The following STK39 variants were observed in gnomAD, a reference collection of about 807,000 sequenced individuals.
The protein encoded by STK39 is STE20/SPS1-related proline-alanine-rich protein kinase.
Under a neutral mutation model 77.8 loss-of-function variants are expected in STK39, and 20 were observed. The observed-to-expected ratio is 0.26, with a 90% CI of 0.18 to 0.37. STK39 has a LOEUF of 0.37. Ranked by LOEUF, STK39 falls within the 10% of genes least tolerant of loss-of-function variation. The pLI is 1.00. For missense variants in STK39, 479 were observed against 656.5 expected (o/e 0.73, Z 2.95); for synonymous variants, 246 against 234.1 (o/e 1.05, Z -0.47).
chr2:168,089,147 A>G (rs1686449386), intron 10 of STK39, among the ~76,000 whole-genome samples: 1 of 152,152 alleles, frequency 6.6e-6, no homozygotes, highest in African/African-American at 2.4e-5. Flanking sequence ...GTGGGGCCAC[A>G]GTTTTGTGCC....
chr2:168,039,192 C>T (rs534695578), intron 14 of STK39, among the ~76,000 whole-genome samples: 1 of 152,036 alleles, frequency 6.6e-6, no homozygotes, highest in African/African-American at 2.4e-5. Flanking sequence ...CCTCTTTAAT[C>T]AAAGGGAATG....
intron 10 of STK39, among the ~76,000 whole-genome samples, chr2:168,076,591 C>T (rs1284816131): frequency 6.6e-6 from 1 of 152,116 alleles, no homozygotes; most frequent in Non-Finnish European, 1.5e-5. Flanking sequence ...GTAATCCTGA[C>T]CAGTTGGTCT....
chr2:168,003,485 T>A (rs1559052593), intron 16 of STK39, among the ~76,000 whole-genome samples: 1 of 151,874 alleles, frequency 6.6e-6, no homozygotes, highest in African/African-American at 2.4e-5. Flanking sequence ...AGATTTTTTT[T>A]AAAGAAAGAA....
At chr2:168,045,745 T>C (rs1246574417) in intron 14 of STK39, among the ~76,000 whole-genome samples, 1 of 152,184 alleles carries the variant, frequency 6.6e-6, no homozygotes, top group Non-Finnish European at 1.5e-5. Flanking sequence ...GCAAATATCA[T>C]GCTACTCCTT....
chr2:168,174,028 T>C (rs1688894264), intron 2 of STK39, among the ~76,000 whole-genome samples: 1 of 152,238 alleles, frequency 6.6e-6, no homozygotes, highest in Non-Finnish European at 1.5e-5. Flanking sequence ...TATTTTCATG[T>C]GATTTGGTAT....
chr2:167,986,701 G>T (rs1442115160), intron 16 of STK39, among the ~76,000 whole-genome samples: 1 of 152,120 alleles, frequency 6.6e-6, no homozygotes. Flanking sequence ...AACACTTCTG[G>T]TAAGAAAACA....
chr2:168,220,069 A>G (rs528412520), intron 1 of STK39, among the ~76,000 whole-genome samples: 1 of 152,210 alleles, frequency 6.6e-6, no homozygotes, highest in African/African-American at 2.4e-5. Context: ...TTCTTTAACA[A>G]ATTTTAATGT....
intron 14 of STK39, among the ~76,000 whole-genome samples, chr2:168,039,353 G>A (rs1685042995): frequency 5.2e-5 from 1 of 19,056 alleles, no homozygotes; most frequent in South Asian, 8.4e-4. Context: ...AGCACTTTGG[G>A]AGGCCGAGGC....
At chr2:168,197,551 A>G (rs1015098386) in intron 1 of STK39, among the ~76,000 whole-genome samples, 1 of 152,184 alleles carries the variant, frequency 6.6e-6, no homozygotes, top group Admixed American at 6.5e-5. Context: ...TGTTCAAGAG[A>G]TATTTCAGGG....
At chr2:168,246,036 G>C (rs921727511) in intron 1 of STK39, among the ~76,000 whole-genome samples, 22 of 152,120 alleles carry the variant, frequency 1.4e-4, no homozygotes, top group African/African-American at 5.3e-4. Flanking sequence ...TAAACACCTA[G>C]TGAAATTTTT....
At chr2:168,173,284 A>G (rs572392451) in intron 2 of STK39, among the ~76,000 whole-genome samples, 1 of 152,298 alleles carries the variant, frequency 6.6e-6, no homozygotes, top group Non-Finnish European at 1.5e-5. Context: ...ATGGTATAGG[A>G]GTAATCTTGT....
chr2:168,013,319 G>A (rs1684317671), intron 15 of STK39, among the ~76,000 whole-genome samples: 1 of 152,204 alleles, frequency 6.6e-6, no homozygotes, highest in African/African-American at 2.4e-5. Context: ...ACAGGAGTTC[G>A]CAATCTCATA....
At chr2:167,984,294 A>T (rs536354836) in intron 16 of STK39, among the ~76,000 whole-genome samples, 1 of 152,210 alleles carries the variant, frequency 6.6e-6, no homozygotes, top group Non-Finnish European at 1.5e-5. Flanking sequence ...GAGGGGCAGG[A>T]ACAAGGTGCA....
Position 168,140,368 on chromosome 2 carries a change from G to C in STK39, c.761C>G (p.Ala254Gly). Residue 254 changes from alanine (A) to glycine (G), a missense_variant, in exon 7 of 18, where the codon GCT (alanine) becomes GGT (glycine). By Grantham distance (60) the Ala-to-Gly change is moderately conservative. Around this residue, in one of 3 missense-constraint regions of STK39, gnomAD observed 139 missense variants for 280.6 expected, o/e 0.50. Transcript: ENST00000355999. ...MEQVRGYDFK[A>G]DMWSFGITAI... ...AGTTATTCCAAAACTCCACATGTCA[G>C]CCTTGAAGTCATAGCCTCTCACCTA... 6.2e-7 allele frequency: 1 copy of C among 1,613,974 alleles called. No homozygotes were observed. Among genetic ancestry groups the C allele is most frequent in the Non-Finnish European group, 8.5e-7 (1 of 1,179,918 alleles).
At chr2:168,094,746 C>T (rs1686616731) in intron 10 of STK39, among the ~76,000 whole-genome samples, 1 of 152,088 alleles carries the variant, frequency 6.6e-6, no homozygotes, top group Non-Finnish European at 1.5e-5. Flanking sequence ...TCTGTCATGT[C>T]CTCTGTGGCA....
At chr2:168,135,625 C>G (rs969809943) in intron 8 of STK39, among the ~76,000 whole-genome samples, 9 of 152,214 alleles carry the variant, frequency 5.9e-5, no homozygotes, top group Admixed American at 3.3e-4. Context: ...TCAATGTTTA[C>G]TTATCAAATT....
chr2:168,116,988 A>T (rs778899334), intron 10 of STK39, among the ~76,000 whole-genome samples: 1 of 152,240 alleles, frequency 6.6e-6, no homozygotes, highest in Admixed American at 6.5e-5. Context: ...ACGTATGTGC[A>T]TCCTGGCTCA....
At chr2:168,067,230 G>GA (rs1173127951) in intron 12 of STK39, among the ~76,000 whole-genome samples, 2 of 151,828 alleles carry the variant, frequency 1.3e-5, no homozygotes, top group South Asian at 2.1e-4. Context: ...TCAAAAAAAA[G>GA]AAAAAAAATG....
chr2:168,018,521 AAAG>A (rs1380957959), intron 14 of STK39, among the ~76,000 whole-genome samples: 1,519 of 98,352 alleles, frequency 0.015, 46 homozygotes, highest in African/African-American at 0.083. Context: ...AAAAGAAAGA[AAAG>A]AAAGAAAAGA....
Sources: gnomAD v4.1 joint callset for allele counts (sites outside exome capture counted in the v4.1 genomes callset) on GRCh38, gnomAD v4.1.1 for gene constraint, gnomAD v4.1.1 regional missense constraint, MANE v1.5 for transcripts, NCBI Gene and HGNC (gene_info 2026-07-23, HGNC 2026-07-21) for gene names.